KIF13A: variants seen among roughly 807,000 people sequenced by gnomAD.
KIF13A encodes the protein kinesin-like protein KIF13A.
Under a neutral mutation model 212.2 loss-of-function variants are expected in KIF13A, and 79 were observed. The ratio of observed to expected loss-of-function variants is 0.37; its 90% confidence interval spans 0.31 to 0.45. The LOEUF is 0.45. Ranked by LOEUF, KIF13A falls within the 20% of genes least tolerant of loss-of-function variation. KIF13A has a pLI of 1.00. For synonymous variants in KIF13A, 789 were observed against 808.6 expected (o/e 0.98, Z 0.41); for missense variants, 1,901 against 2,209.0 (o/e 0.86, Z 2.79).
chr6:17,881,802 C>G (rs1411341448), intron 3 of KIF13A: 39 of 347,750 alleles, frequency 1.1e-4, no homozygotes, highest in Non-Finnish European at 5.7e-6. Context: ...TTGAGACCCT[C>G]CTGGCCAACA....
At chr6:17,922,951 C>T (rs1436809764) in intron 2 of KIF13A, among the ~76,000 whole-genome samples, 1 of 151,644 alleles carries the variant, frequency 6.6e-6, no homozygotes, top group Admixed American at 6.6e-5. Context: ...TATGTTTTAT[C>T]ACCTTCATAT....
rs1771722010 is a variant in KIF13A at position 17,888,157 on chromosome 6, A to T, written c.159+10011T>A. On this transcript the variant is annotated intron_variant, in intron 3 of 38. Coordinates refer to ENST00000259711, the MANE Select transcript of KIF13A (RefSeq NM_022113.6). This position sits in a 1 kb window ranked among gnomAD's most constrained non-coding sequence, Gnocchi z 4.8. ...AAGTAGTGAATGATGATGTTACCAT[A>T]ATCTATTTTCCACTACTTAGATTAT... Among the ~76,000 whole-genome samples, 1 of 152,130 alleles carries T rather than the reference A, an allele frequency of 6.6e-6. No individual in the cohort carries two copies. The highest frequency in any genetic ancestry group is 1.5e-5 in the Non-Finnish European group (1 of 68,010).
intron 23 of KIF13A, among the ~76,000 whole-genome samples, chr6:17,796,337 A>AT (rs1408666274): frequency 1.0e-4 from 7 of 70,130 alleles, no homozygotes; most frequent in East Asian, 1.1e-3. Flanking sequence ...TTATAAATAA[A>AT]AAAAAAATAA....
At chr6:17,890,474 C>T (rs940250334) in intron 3 of KIF13A, among the ~76,000 whole-genome samples, 2 of 152,000 alleles carry the variant, frequency 1.3e-5, no homozygotes, top group Non-Finnish European at 2.9e-5. Flanking sequence ...TGACTGAGGA[C>T]ACTTCCCTGT....
chr6:17,765,158 A>T (rs963231111), intron 38 of KIF13A, among the ~76,000 whole-genome samples: 1 of 152,216 alleles, frequency 6.6e-6, no homozygotes, highest in Non-Finnish European at 1.5e-5. Context: ...ACCCCTTATC[A>T]TCTAATATGA....
At chr6:17,854,954 G>A (rs967180093) in intron 6 of KIF13A, among the ~76,000 whole-genome samples, 3 of 152,016 alleles carry the variant, frequency 2.0e-5, no homozygotes, top group Admixed American at 1.3e-4. Context: ...AGATCCCTGG[G>A]TTTCACCCTG....
chr6:17,977,111 C>CAAA (rs1780613562), intron 2 of KIF13A, among the ~76,000 whole-genome samples: 1 of 40,042 alleles, frequency 2.5e-5, no homozygotes, highest in African/African-American at 1.2e-4. Context: ...CAAAAAACAA[C>CAAA]AACAAAAAAA....
At chr6:17,977,955 G>A (rs1780730050) in intron 2 of KIF13A, among the ~76,000 whole-genome samples, 2 of 152,168 alleles carry the variant, frequency 1.3e-5, no homozygotes, top group African/African-American at 4.8e-5. Flanking sequence ...GTCTAACAAT[G>A]CAACTTTTAA....
At chr6:17,868,600 TTTTGAAGCAAAAAAAAAATTTTTGC>T (rs1369524529) in intron 4 of KIF13A, among the ~76,000 whole-genome samples, 12 of 151,890 alleles carry the variant, frequency 7.9e-5, no homozygotes, top group African/African-American at 2.4e-4. Flanking sequence ...TCAAAATTCT[TTTTGAAGCAAAAAAAAAATTTTTGC>T]TTCAGAATTA....
Position 17,912,346 on chromosome 6 carries a change from T to C in KIF13A, c.147-14166A>G, listed in dbSNP as rs931419157. ...AACATTCAGAAACCAAAATTTCCCC[T>C]TCTGGGAAAGAAACCCAGGTTCAGT... On this transcript the variant is annotated intron_variant, in intron 2 of 38. Coordinates refer to ENST00000259711, the MANE Select transcript of KIF13A (RefSeq NM_022113.6). This position sits in a 1 kb window ranked among gnomAD's most constrained non-coding sequence, Gnocchi z 4.2. Among the ~76,000 whole-genome samples the C allele has an allele frequency of 6.6e-6, 1 of 152,176 alleles. No individual in the cohort carries two copies. Among genetic ancestry groups the C allele is most frequent in the Non-Finnish European group, 1.5e-5 (1 of 68,024 alleles).
At chr6:17,862,949 AAAACAAACAAAC>A (rs373182867) in intron 4 of KIF13A, among the ~76,000 whole-genome samples, 3 of 152,028 alleles carry the variant, frequency 2.0e-5, no homozygotes, top group Non-Finnish European at 4.4e-5. Context: ...CTGCGTCTCA[AAAACAAACAAAC>A]AAACAAACAA....
At chr6:17,941,847 T>A (rs1776982472) in intron 2 of KIF13A, among the ~76,000 whole-genome samples, 1 of 151,854 alleles carries the variant, frequency 6.6e-6, no homozygotes, top group African/African-American at 2.4e-5. Context: ...TTCTGAACTT[T>A]CCTTCAGAAA....
At position 17,816,091 on chromosome 6, in the gene KIF13A, G is replaced by A. The variant is rs1763922199; in HGVS notation, c.2000+929C>T. ...CGCTGCTATTTTTTCTTTTTTTTCT[G>A]TATTTTTAGTAGAGACAGGGTTTCA... is the stretch of plus-strand genomic sequence containing the variant. On this transcript the variant is annotated intron_variant, in intron 17 of 38. Transcript: ENST00000259711. The surrounding 1 kb of genome is among the most constrained non-coding windows in gnomAD (Gnocchi z 4.3). Among the ~76,000 whole-genome samples the A allele has an allele frequency of 6.6e-6, 1 of 151,230 alleles. No individual in the cohort carries two copies. Among genetic ancestry groups the A allele is most frequent in the Non-Finnish European group, 1.5e-5 (1 of 67,792 alleles).
chr6:17,759,778 TAAC>T (rs1376177675), downstream of KIF13A: 1 of 152,006 alleles, frequency 6.6e-6, no homozygotes, highest in Non-Finnish European at 1.5e-5. Context: ...TCAAGCAAAA[TAAC>T]AACAGCAAAA....
At chr6:17,975,406 GTT>G (rs763484190) in intron 2 of KIF13A, among the ~76,000 whole-genome samples, 1 of 152,126 alleles carries the variant, frequency 6.6e-6, no homozygotes, top group East Asian at 1.9e-4. Flanking sequence ...CGCGTCTGGA[GTT>G]TTTTCCTTTT....
Position 17,915,554 on chromosome 6 carries a change from G to T in KIF13A, c.147-17374C>A, listed in dbSNP as rs190623918. Among the ~76,000 whole-genome samples the T allele has an allele frequency of 6.6e-6, 1 of 152,158 alleles. No homozygotes were observed. The highest frequency in any genetic ancestry group is 2.4e-5 in the African/African-American group (1 of 41,430). The stretch of plus-strand genomic sequence containing the variant: ...GACAGCGTGCAGGACCTGCCACCTT[G>T]AGGACTCTGGGAGCAAGAGACCCCC... On this transcript the variant is annotated intron_variant, in intron 2 of 38. Coordinates refer to ENST00000259711, the MANE Select transcript of KIF13A (RefSeq NM_022113.6). This position sits in a 1 kb window ranked among gnomAD's most constrained non-coding sequence, Gnocchi z 4.4.
chr6:17,946,967 G>A, intron 2 of KIF13A, among the ~76,000 whole-genome samples: 1 of 152,218 alleles, frequency 6.6e-6, no homozygotes, highest in African/African-American at 2.4e-5. Context: ...AAAGCTCATC[G>A]AAACTGTACA....
intron 20 of KIF13A, among the ~76,000 whole-genome samples, chr6:17,802,006 T>C (rs79467415): frequency 0.053 from 8,094 of 152,272 alleles, 309 homozygotes; most frequent in Middle Eastern, 0.078. Flanking sequence ...TTGGAGTGCT[T>C]TGTCTTAATT....
chr6:17,822,769 C>A (rs1764576962), intron 16 of KIF13A, among the ~76,000 whole-genome samples: 1 of 152,192 alleles, frequency 6.6e-6, no homozygotes, highest in African/African-American at 2.4e-5. Flanking sequence ...TCACAGCAGA[C>A]TTGTTGCTCA....
Sources: gnomAD v4.1 joint callset for allele counts (sites outside exome capture counted in the v4.1 genomes callset) on GRCh38, gnomAD v4.1.1 for gene constraint, Gnocchi (gnomAD v3.1) non-coding constraint, MANE v1.5 for transcripts, NCBI Gene and HGNC (gene_info 2026-07-23, HGNC 2026-07-21) for gene names.